Variants in IDH3B observed in about 807,000 individuals in gnomAD.
The protein encoded by IDH3B is isocitrate dehydrogenase (NAD(+)) 3 non-catalytic subunit beta.
IDH3B carries 40 observed loss-of-function variants against 47.5 expected under a neutral mutation model. The ratio of observed to expected loss-of-function variants is 0.84; its 90% CI spans 0.65 to 1.10. The LOEUF is 1.10. Ranked by LOEUF, IDH3B falls within the 50% of genes least tolerant of loss-of-function variation. The pLI is 0.00. For synonymous variants in IDH3B, 185 were observed against 191.0 expected, an observed-to-expected ratio of 0.97 and a Z score of 0.26; for missense variants, 450 against 505.2, an observed-to-expected ratio of 0.89 and a Z score of 1.05.
intron 11 of IDH3B, chr20:2,659,190 G>A (rs1338376713): frequency 1.4e-6 from 2 of 1,435,458 alleles, no homozygotes; most frequent in Non-Finnish European, 1.8e-6. Context: ...AGGTGAAGCT[G>A]ATGCTTCAGC....
Position 2,660,066 on chromosome 20 carries a change from A to C in IDH3B, c.879T>G (p.Gly293=). 3.1e-6 allele frequency: 5 copies of C among 1,614,100 alleles called. No individual in the cohort carries two copies. Among genetic ancestry groups the C allele is most frequent in the Non-Finnish European group, 4.2e-6 (5 of 1,180,002 alleles). ...GLVGGAGVVP[G]ESYSAEYAVF... is the part of the protein sequence containing the mutation. ...CTGCGTATTCTGCACTATAGCTCTC[A>C]CCAGGGACCACACCAGCTCCCCCAA... The change falls in exon 9 of 12, where the codon GGT becomes GGG. Residue 293 remains glycine, a synonymous_variant. Transcript: ENST00000380843. The surrounding 1 kb of genome is among the most constrained non-coding windows in gnomAD (Gnocchi z 5.6).
intron 11 of IDH3B, 189 bp downstream of exon 11, chr20:2,659,336 G>T: frequency 6.4e-7 from 1 of 1,561,378 alleles, no homozygotes; most frequent in Non-Finnish European, 8.6e-7. Flanking sequence ...GAGATCAAGA[G>T]GATGAAACAG....
At chr20:2,662,630 C>A (rs1568550503) in intron 4 of IDH3B, among the ~76,000 whole-genome samples, 1 of 152,068 alleles carries the variant, frequency 6.6e-6, no homozygotes, top group Non-Finnish European at 1.5e-5. Context: ...ACCAGCCTGG[C>A]CAACATGGTA....
At position 2,664,189 on chromosome 20, in the gene IDH3B, G is replaced by A. The variant is rs151274415; in HGVS notation, c.-1C>T. 4.3e-6 allele frequency: 7 copies of A among 1,613,380 alleles called. No individual in the cohort carries two copies. The Admixed American group carries it at 8.3e-5, about 19-fold the overall frequency. On this transcript the variant is annotated 5_prime_UTR_variant, in exon 1 of 12. Transcript: ENST00000380843. ...AGCGGACTCCGCTCAATGCCGCCAT[G>A]TTTCCCGCAGGAAGTCGCGTGGGAA...
rs777054148 is a variant in IDH3B at position 2,658,762 on chromosome 20, T to C, written c.1147A>G (p.Lys383Glu). 6 of 1,614,056 alleles carry C rather than the reference T, an allele frequency of 3.7e-6. No individual in the cohort carries two copies. In the African/African-American group the frequency reaches 6.7e-5, roughly 18 times the overall value. Residue 383 changes from lysine (K) to glutamate (E), a missense_variant, in exon 12 of 12, where the codon AAA becomes GAA. Transcript: ENST00000380843. ...IKSVIGHLQT[K>E]GS ...AGAAATAAAGGGCTCTAGCTCCCTT[T>C]AGTCTGCAGGTGACCGATGACAGAC... is the stretch of plus-strand genomic sequence containing the variant.
chr20:2,663,936 A>T lies in IDH3B; in HGVS notation c.106T>A (p.Ser36Thr). 1 of 1,614,096 alleles carries T rather than the reference A, an allele frequency of 6.2e-7. No individual in the cohort carries two copies. The highest frequency in any genetic ancestry group is 1.1e-5 in the South Asian group (1 of 91,080). ...LSTSAAAHAA[S>T]RSQAEDVRVE... Reference sequence around the variant, plus strand: ...AGATTCGTGCATACCTGGCTCCGCGATGCAGCGTGCGCCGCGGCCGAGGTA... The same window carrying T: ...AGATTCGTGCATACCTGGCTCCGCGTTGCAGCGTGCGCCGCGGCCGAGGTA... The change falls in exon 2 of 12, where the codon TCG (serine) becomes ACG (threonine). Residue 36 changes from serine (S) to threonine (T), a missense_variant. Coordinates refer to ENST00000380843, the MANE Select transcript of IDH3B (RefSeq NM_006899.5).
At chr20:2,659,052 G>A (rs1426503739) in intron 11 of IDH3B, 7 of 1,442,022 alleles carry the variant, frequency 4.9e-6, no homozygotes, top group Non-Finnish European at 5.4e-6. Flanking sequence ...GGGCAGGACA[G>A]GAGGCTGAGC....
Position 2,660,227 on chromosome 20 carries a change from C to G in IDH3B, c.768+36G>C, listed in dbSNP as rs1473797642. 2.5e-6 allele frequency: 4 copies of G among 1,613,938 alleles called. No individual in the cohort carries two copies. In the African/African-American group the frequency reaches 4.0e-5, roughly 16 times the overall value. On this transcript the variant is annotated intron_variant, in intron 8 of 11. Coordinates refer to ENST00000380843, the MANE Select transcript of IDH3B (RefSeq NM_006899.5). The surrounding 1 kb of genome is among the most constrained non-coding windows in gnomAD (Gnocchi z 5.6). Reference sequence around the variant, plus strand: ...GTAAATTCCACTCCCCACCCTCCTCCTCCGCCCCATGAGTAGAGATGTGGG... The same window carrying G: ...GTAAATTCCACTCCCCACCCTCCTCGTCCGCCCCATGAGTAGAGATGTGGG...
Position 2,658,424 on chromosome 20 carries a change from C to T in IDH3B, c.*327G>A, listed in dbSNP as rs367797398. Reference sequence around the variant, plus strand: ...TTCATGTTCTTTATTGAACACCTTACATGGGTATGGACAGGGCCTATGGGT... The same window carrying T: ...TTCATGTTCTTTATTGAACACCTTATATGGGTATGGACAGGGCCTATGGGT... On this transcript the variant is annotated 3_prime_UTR_variant, in exon 12 of 12. Coordinates refer to ENST00000380843, the MANE Select transcript of IDH3B (RefSeq NM_006899.5). 1.2e-6 allele frequency: 2 copies of T among 1,613,850 alleles called. No homozygotes were observed. The highest frequency in any genetic ancestry group is 1.3e-5 in the African/African-American group (1 of 74,918).
Position 2,659,595 on chromosome 20 carries a change from T to C in IDH3B, c.1011-10A>G, listed in dbSNP as rs1402877389. ...GGAGTGATACTCAAGACTGTGGATA[T>C]GGACAGGAAGAAACTGTGACTCCCC... On this transcript the variant is annotated splice_polypyrimidine_tract_variant and intron_variant, in intron 10 of 11. Coordinates refer to ENST00000380843, the MANE Select transcript of IDH3B (RefSeq NM_006899.5). 1.2e-6 allele frequency: 2 copies of C among 1,614,138 alleles called. No individual in the cohort carries two copies. The highest frequency in any genetic ancestry group is 1.7e-6 in the Non-Finnish European group (2 of 1,179,954).
At position 2,660,195 on chromosome 20, in the gene IDH3B, G is replaced by A. The variant is rs756711869; in HGVS notation, c.769-19C>T. ...GCACCAGCTAGAGGGTGAGATGCAGGCATGAAGTAAATTCCACTCCCCACC... is the reference window on the plus strand; with the variant it reads ...GCACCAGCTAGAGGGTGAGATGCAGACATGAAGTAAATTCCACTCCCCACC... On this transcript the variant is annotated intron_variant, in intron 8 of 11. Transcript: ENST00000380843. The surrounding 1 kb of genome is among the most constrained non-coding windows in gnomAD (Gnocchi z 5.6). 6.2e-7 allele frequency: 1 copy of A among 1,614,004 alleles called. No individual in the cohort carries two copies. The highest frequency in any genetic ancestry group is 1.3e-5 in the African/African-American group (1 of 74,892).
At chr20:2,659,857 T>C (rs2086907814) in intron 9 of IDH3B, 64 bp from the exon 10 acceptor site, 3 of 1,465,288 alleles carry the variant, frequency 2.0e-6, no homozygotes, top group East Asian at 2.3e-5. Flanking sequence ...AGGCTTAGGT[T>C]GGAAAAGGAC....
At position 2,663,974 on chromosome 20, in the gene IDH3B, C is replaced by T. The variant is rs200744124; in HGVS notation, c.68G>A (p.Trp23Ter). 6.2e-7 allele frequency: 1 copy of T among 1,614,194 alleles called. No individual in the cohort carries two copies. Among genetic ancestry groups the T allele is most frequent in the African/African-American group, 1.3e-5 (1 of 75,054 alleles). Residue 23 changes from tryptophan (W) to a stop codon, truncating the protein, a stop_gained, in exon 2 of 12, where the codon TGG becomes TAG. Transcript: ENST00000380843. LOFTEE classifies it high-confidence loss of function. ...ALVSAGNPGA[W>*]RGLSTSAAAH... ...CGCGGCCGAGGTACTCAGACCTCTCCATGCCCCAGGGTTCCCGGCGGAGAC... is the reference window on the plus strand; with the variant it reads ...CGCGGCCGAGGTACTCAGACCTCTCTATGCCCCAGGGTTCCCGGCGGAGAC...
Position 2,658,753 on chromosome 20 carries a change from A to G in IDH3B, c.1156T>C (p.Ter386GlnextTer29). The change falls in exon 12 of 12, where the codon TAG becomes CAG. Residue 386 changes from the stop codon to glutamine (Q), a stop_lost. Transcript: ENST00000380843. ...VIGHLQTKGS[*>Q] The stretch of plus-strand genomic sequence containing the variant: ...AAGGTTGGAAGAAATAAAGGGCTCT[A>G]GCTCCCTTTAGTCTGCAGGTGACCG... 2 of 1,614,224 alleles carry G rather than the reference A, an allele frequency of 1.2e-6. No homozygotes were observed. The highest frequency in any genetic ancestry group is 1.7e-6 in the Non-Finnish European group (2 of 1,180,042).
Position 2,664,011 on chromosome 20 carries a change from A to C in IDH3B, c.37-6T>G. Reference sequence around the variant, plus strand: ...TTCCCGGCGGAGACCAGCGCCTGCAACAGGGACACACAAGCCTGTAAGGTC... The same window carrying C: ...TTCCCGGCGGAGACCAGCGCCTGCACCAGGGACACACAAGCCTGTAAGGTC... On this transcript the variant is annotated splice_polypyrimidine_tract_variant and splice_region_variant and intron_variant, in intron 1 of 11. Coordinates refer to ENST00000380843, the MANE Select transcript of IDH3B (RefSeq NM_006899.5). 1.2e-6 allele frequency: 2 copies of C among 1,614,012 alleles called. No individual in the cohort carries two copies. The highest frequency in any genetic ancestry group is 1.7e-6 in the Non-Finnish European group (2 of 1,179,954).
rs1294818224 is a variant in IDH3B, at chr20:2,663,728, G to A, written c.148C>T (p.Pro50Ser). 1 of 1,614,096 alleles carries A rather than the reference G, an allele frequency of 6.2e-7. No individual in the cohort carries two copies. Among genetic ancestry groups the A allele is most frequent in the East Asian group, 2.2e-5 (1 of 44,898 alleles). Residue 50 changes from proline (P) to serine (S), a missense_variant, in exon 3 of 12, where the codon CCC becomes TCC. Coordinates refer to ENST00000380843, the MANE Select transcript of IDH3B (RefSeq NM_006899.5). The stretch of plus-strand genomic sequence containing the variant: ...CCGTCTCCCGGAAGCATGGTCACGG[G>A]AAAGGAGCCCTCCACCCTCACGTCC... ...AEDVRVEGSF[P>S]VTMLPGDGVG...
At position 2,663,649 on chromosome 20, in the gene IDH3B, A is replaced by T. The variant is rs747126644; in HGVS notation, c.216+11T>A. On this transcript the variant is annotated intron_variant, in intron 3 of 11. Coordinates refer to ENST00000380843, the MANE Select transcript of IDH3B (RefSeq NM_006899.5). ...ACTGTCCTCTACTGTCTGATCCCCGAGGCCACTCACCTTGAACACCTCCTT... is the reference window on the plus strand; with the variant it reads ...ACTGTCCTCTACTGTCTGATCCCCGTGGCCACTCACCTTGAACACCTCCTT... 3 of 1,614,128 alleles carry T rather than the reference A, an allele frequency of 1.9e-6. No homozygotes were observed. The highest frequency in any genetic ancestry group is 2.2e-5 in the South Asian group (2 of 91,084).
At position 2,658,674 on chromosome 20, in the gene IDH3B, A is replaced by T; in HGVS notation, c.*77T>A. ...ACCATGGTCCACTGCTTAGAGGCAC[A>T]AGGTCTCTTCCCTGGTACACTGCAC... On this transcript the variant is annotated 3_prime_UTR_variant, in exon 12 of 12. Transcript: ENST00000380843. The T allele has an allele frequency of 1.2e-6, 2 of 1,614,072 alleles. No homozygotes were observed. The highest frequency in any genetic ancestry group is 2.2e-5 in the South Asian group (2 of 91,070).
At chr20:2,663,076 G>A (rs1022716464) in intron 4 of IDH3B, among the ~76,000 whole-genome samples, 4 of 151,622 alleles carry the variant, frequency 2.6e-5, no homozygotes, top group Admixed American at 6.6e-5. Context: ...GCAGTGAGCC[G>A]AGATCGCGCC....
Sources: allele counts gnomAD v4.1 joint callset (sites outside exome capture counted in the v4.1 genomes callset), GRCh38; gene constraint gnomAD v4.1.1; non-coding constraint Gnocchi (gnomAD v3.1); transcripts MANE v1.5; gene names NCBI Gene and HGNC (gene_info 2026-07-23, HGNC 2026-07-21).